The following BEND7 variants were observed in gnomAD, a reference collection of about 807,000 sequenced individuals.
BEND7 encodes the protein BEN domain-containing protein 7.
Under a neutral mutation model 50.9 loss-of-function variants are expected in BEND7, and 28 were observed. The ratio of observed to expected loss-of-function variants is 0.55; its 90% CI spans 0.41 to 0.75. BEND7 has a LOEUF of 0.75. Ranked by LOEUF, BEND7 falls within the 30% of genes least tolerant of loss-of-function variation. The pLI is 0.00. For missense variants in BEND7, 477 were observed against 491.3 expected (o/e 0.97, Z 0.28); for synonymous variants, 170 against 183.9 (o/e 0.92, Z 0.61).
intron 6 of BEND7, 131 bp downstream of exon 6, chr10:13,480,768 T>A: frequency 6.7e-7 from 1 of 1,495,816 alleles, no homozygotes; most frequent in Non-Finnish European, 8.9e-7. Flanking sequence ...CCGAAAGCCA[T>A]GTGAATGGCT....
At chr10:13,447,457 T>TTCATA (rs764778107) in intron 7 of BEND7, 141 bp from the exon 8 acceptor site, 54 of 722,470 alleles carry the variant, frequency 7.5e-5, no homozygotes, top group Non-Finnish European at 1.1e-4. Context: ...CTACCGTTGG[T>TTCATA]TCATATTACA....
At chr10:13,483,649 C>G (rs964901214) in intron 5 of BEND7, among the ~76,000 whole-genome samples, 1 of 152,138 alleles carries the variant, frequency 6.6e-6, no homozygotes, top group Non-Finnish European at 1.5e-5. Context: ...GAACAGTGAC[C>G]CAGCTGTTTC....
intron 6 of BEND7, among the ~76,000 whole-genome samples, chr10:13,462,335 G>A (rs1840382536): frequency 6.6e-6 from 1 of 152,170 alleles, no homozygotes; most frequent in Non-Finnish European, 1.5e-5. Context: ...TTACATGGTG[G>A]CAAGCAAGAG....
chr10:13,480,750 GC>G, intron 6 of BEND7, 148 bp downstream of exon 6: 1 of 1,464,456 alleles, frequency 6.8e-7, no homozygotes, highest in East Asian at 2.5e-5. Context: ...GAATTACAGA[GC>G]TCACACCCGA....
At chr10:13,528,247 T>C (rs886600856) in intron 1 of BEND7, among the ~76,000 whole-genome samples, 4 of 151,882 alleles carry the variant, frequency 2.6e-5, no homozygotes, top group African/African-American at 7.2e-5. Context: ...TTTCCTGAGC[T>C]GCCCTCCGAC....
At chr10:13,444,560 C>T (rs1564490566) in intron 8 of BEND7, 2 of 152,192 alleles carry the variant, frequency 1.3e-5, no homozygotes, top group Non-Finnish European at 2.9e-5. Flanking sequence ...TAATGAGAGT[C>T]TGTATCAGAG....
intron 2 of BEND7, among the ~76,000 whole-genome samples, chr10:13,522,711 G>C (rs2079165599): frequency 6.6e-6 from 1 of 152,120 alleles, no homozygotes; most frequent in Non-Finnish European, 1.5e-5. Context: ...CTCTGCATTT[G>C]CTGTTGCCCT....
intron 8 of BEND7, chr10:13,443,929 A>G (rs1460607245): frequency 1.3e-5 from 2 of 152,226 alleles, no homozygotes; most frequent in Non-Finnish European, 2.9e-5. Context: ...TCTTCCTTAC[A>G]CTTTTATTAA....
At chr10:13,479,683 C>T (rs1245344162) in intron 6 of BEND7, among the ~76,000 whole-genome samples, 1 of 152,174 alleles carries the variant, frequency 6.6e-6, no homozygotes, top group African/African-American at 2.4e-5. Context: ...GGCTGAATCA[C>T]TCTTTTCAGA....
intron 6 of BEND7, chr10:13,459,771 T>C (rs1465456092): frequency 6.6e-6 from 1 of 152,264 alleles, no homozygotes; most frequent in Non-Finnish European, 1.5e-5. Context: ...GGATTCTCTT[T>C]CTGTATCTGG....
chr10:13,444,734 AATCAAGAGACATGCTATCCAGGTGAAT>A (rs1835925684), intron 8 of BEND7: 1 of 152,256 alleles, frequency 6.6e-6, no homozygotes, highest in Non-Finnish European at 1.5e-5. Flanking sequence ...CTTTGGAGGC[AATCAAGAGACATGCTATCCAGGTGAAT>A]ATCAAGATTA....
chr10:13,503,036 G>C (rs2077594338), intron 2 of BEND7: 3 of 590,814 alleles, frequency 5.1e-6, no homozygotes, highest in Non-Finnish European at 4.3e-6. Flanking sequence ...ACCTTCTGAG[G>C]GCAAATCTGC....
intron 6 of BEND7, among the ~76,000 whole-genome samples, chr10:13,474,734 G>A (rs11258405): frequency 3.8e-4 from 58 of 152,270 alleles, no homozygotes; most frequent in Middle Eastern, 3.4e-3. Flanking sequence ...GACTCGGGTC[G>A]ATACCCATCA....
chr10:13,501,040 A>G (rs2077408670), intron 2 of BEND7, among the ~76,000 whole-genome samples: 1 of 152,230 alleles, frequency 6.6e-6, no homozygotes, highest in Non-Finnish European at 1.5e-5. Context: ...CACTGGGAGT[A>G]CTTAATAAAT....
At chr10:13,517,064 GC>G (rs1427207374) in intron 2 of BEND7, among the ~76,000 whole-genome samples, 7 of 137,170 alleles carry the variant, frequency 5.1e-5, no homozygotes, top group Non-Finnish European at 1.1e-4. Flanking sequence ...TTTTCTGGTG[GC>G]TTTTTTTTTT....
At chr10:13,484,393 G>C (rs1172026662) in intron 5 of BEND7, among the ~76,000 whole-genome samples, 1 of 152,224 alleles carries the variant, frequency 6.6e-6, no homozygotes, top group Non-Finnish European at 1.5e-5. Context: ...TTTGATAAAT[G>C]TAATCACAGT....
intron 6 of BEND7, among the ~76,000 whole-genome samples, chr10:13,453,407 C>A (rs1356498841): frequency 6.6e-6 from 1 of 152,176 alleles, no homozygotes; most frequent in Non-Finnish European, 1.5e-5. Context: ...TAGGCCATCA[C>A]ATCACACTGC....
At chr10:13,501,656 G>A (rs1389921221) in intron 2 of BEND7, among the ~76,000 whole-genome samples, 1 of 152,040 alleles carries the variant, frequency 6.6e-6, no homozygotes, top group Non-Finnish European at 1.5e-5. Context: ...CGACCAGCCT[G>A]GGCAATATGG....
chr10:13,521,713 C>A (rs1286750292), intron 2 of BEND7, among the ~76,000 whole-genome samples: 12 of 152,214 alleles, frequency 7.9e-5, no homozygotes, highest in Non-Finnish European at 1.3e-4. Flanking sequence ...CTAGACCCTT[C>A]TTCCTCTTGG....
Sources: gnomAD v4.1 joint callset for allele counts (sites outside exome capture counted in the v4.1 genomes callset) on GRCh38, gnomAD v4.1.1 for gene constraint, MANE v1.5 for transcripts, NCBI Gene and HGNC (gene_info 2026-07-23, HGNC 2026-07-21) for gene names.